CASC3: variants seen among roughly 807,000 people sequenced by gnomAD.
CASC3 encodes the protein protein CASC3.
A neutral mutation model predicts 80.5 loss-of-function variants in CASC3; 30 were observed. The ratio of observed to expected loss-of-function variants is 0.37; its 90% CI spans 0.28 to 0.51. The LOEUF (loss-of-function observed/expected upper bound fraction) is 0.51. CASC3 is among the 20% of genes least tolerant of loss of function. CASC3 has a pLI of 0.94. For missense variants in CASC3, 824 were observed against 922.2 expected (o/e 0.89, Z 1.38); for synonymous variants, 312 against 333.6 (o/e 0.94, Z 0.70).
chr17:40,143,106 A>C (rs1201399873), intron 3 of CASC3, among the ~76,000 whole-genome samples: 1 of 151,670 alleles, frequency 6.6e-6, no homozygotes, highest in African/African-American at 2.4e-5. Context: ...AAAATAAATA[A>C]ATAAAAGAAA....
intron 3 of CASC3, among the ~76,000 whole-genome samples, chr17:40,144,861 G>A (rs144521793): frequency 0.07 from 9,307 of 132,450 alleles, 646 homozygotes; most frequent in African/African-American, 0.18. Context: ...AAAAAATTAA[G>A]TTTTTTTTTT....
intron 3 of CASC3, among the ~76,000 whole-genome samples, chr17:40,145,709 A>C (rs1430758337): frequency 6.6e-6 from 1 of 151,870 alleles, no homozygotes; most frequent in African/African-American, 2.4e-5. Context: ...CAACAGAGCA[A>C]GACCCTGTGT....
intron 5 of CASC3, 116 bp from the exon 6 acceptor site, chr17:40,162,609 G>A (rs1989330704): frequency 3.4e-6 from 3 of 892,004 alleles, no homozygotes; most frequent in Non-Finnish European, 5.1e-6. Flanking sequence ...TTGGGATGAT[G>A]AGGAGACTAC....
chr17:40,140,966 G>T, intron 1 of CASC3, 187 bp downstream of exon 1: 1 of 637,260 alleles, frequency 1.6e-6, no homozygotes, highest in Non-Finnish European at 2.7e-6. Context: ...AGAAGGATTG[G>T]GGGTTTCTGG....
chr17:40,168,320 C>T lies in CASC3; in HGVS notation c.1868C>T (p.Ser623Phe). Residue 623 changes from serine to phenylalanine, a missense_variant, in exon 11 of 14, where the codon TCT becomes TTT. Physicochemically the swap from Ser to Phe is radical, Grantham distance 155 (BLOSUM62 -2). Coordinates refer to ENST00000264645, the MANE Select transcript of CASC3 (RefSeq NM_007359.5). ...PQQLLAPTYF[S>F]APGVMNFGNP... Reference sequence around the variant, plus strand: ...CAGTTGCTTGCTCCTACTTACTTTTCTGCTCCAGGCGTCATGAACTTTGGT... The same window carrying T: ...CAGTTGCTTGCTCCTACTTACTTTTTTGCTCCAGGCGTCATGAACTTTGGT... The T allele has an allele frequency of 6.2e-7, 1 of 1,614,176 alleles. No individual in the cohort carries two copies. The highest frequency in any genetic ancestry group is 8.5e-7 in the Non-Finnish European group (1 of 1,180,036).
intron 3 of CASC3, among the ~76,000 whole-genome samples, chr17:40,153,741 A>C (rs533085867): frequency 6.6e-6 from 1 of 151,994 alleles, no homozygotes; most frequent in South Asian, 2.1e-4. Flanking sequence ...TGGGCCCAGG[A>C]GTTCGAGACC....
rs1019433204 is a variant in CASC3, at chr17:40,142,896, G to A, written c.297+1289G>A. Among the ~76,000 whole-genome samples, 17 of 150,146 alleles carry A rather than the reference G, an allele frequency of 1.1e-4. No homozygotes were observed. In the South Asian group the frequency reaches 2.3e-3, roughly 21 times the overall value. On this transcript the variant is annotated intron_variant, in intron 3 of 13. Transcript: ENST00000264645. ...AGCCTGGGTGACAGAGCAAGACTCC[G>A]TCTCAAAAAAAAAAACCCATCTCTA... is the stretch of plus-strand genomic sequence containing the variant.
At chr17:40,155,349 T>G (rs1989120008) in intron 3 of CASC3, among the ~76,000 whole-genome samples, 1 of 149,938 alleles carries the variant, frequency 6.7e-6, no homozygotes, top group Non-Finnish European at 1.5e-5. Context: ...CTCTGTCTCC[T>G]GGGTTCAGGC....
intron 7 of CASC3, among the ~76,000 whole-genome samples, chr17:40,164,757 T>TTTTA (rs1989403867): frequency 7.4e-6 from 1 of 134,390 alleles, no homozygotes; most frequent in African/African-American, 3.0e-5. Flanking sequence ...GGCCTTTTTT[T>TTTTA]TTTTTTTTTT....
rs547544784 is a variant in CASC3, at chr17:40,162,015, C to T, written c.470C>T (p.Pro157Leu). The T allele has an allele frequency of 1.9e-6, 3 of 1,613,888 alleles. No homozygotes were observed. The African/African-American group carries it at 4.0e-5, about 22-fold the overall frequency. ...TCTGTCCTCTAGGAGAGCACAGAGCCTGTGGAGAACAAAGTGGGTAAAAAG... is the reference window on the plus strand; with the variant it reads ...TCTGTCCTCTAGGAGAGCACAGAGCTTGTGGAGAACAAAGTGGGTAAAAAG... ...QSGDGQESTE[P>L]VENKVGKKGP... The change falls in exon 5 of 14, where the codon CCT becomes CTT. Residue 157 changes from proline to leucine, a missense_variant. By Grantham distance (98) the Pro-to-Leu change is moderately conservative. Around this residue, in one of 3 missense-constraint regions of CASC3, gnomAD observed 201 missense variants for 294.1 expected, o/e 0.68. Coordinates refer to ENST00000264645, the MANE Select transcript of CASC3 (RefSeq NM_007359.5).
At chr17:40,167,126 T>G (rs1989469492) in intron 8 of CASC3, 1 of 504,406 alleles carries the variant, frequency 2.0e-6, no homozygotes, top group African/African-American at 2.0e-5. Flanking sequence ...CATGCCCAGC[T>G]AATTTTTGTA....
At chr17:40,154,304 GCCT>G (rs1162145585) in intron 3 of CASC3, among the ~76,000 whole-genome samples, 3 of 151,988 alleles carry the variant, frequency 2.0e-5, no homozygotes, top group Non-Finnish European at 4.4e-5. Context: ...TCCCACCTCA[GCCT>G]CCTCAGTAGT....
At position 40,162,756 on chromosome 17, in the gene CASC3, G is replaced by C. The variant is rs770663606; in HGVS notation, c.640G>C (p.Asp214His). The C allele has an allele frequency of 6.2e-7, 1 of 1,614,030 alleles. No homozygotes were observed. Reference sequence around the variant, plus strand: ...GGGGCGTCAGCGAAAGCTATGGAAGGATGAGGGTCGCTGGGAGCATGACAA... The same window carrying C: ...GGGGCGTCAGCGAAAGCTATGGAAGCATGAGGGTCGCTGGGAGCATGACAA... ...PKGRQRKLWK[D>H]EGRWEHDKFR... The change falls in exon 6 of 14, where the codon GAT (aspartate) becomes CAT (histidine). Residue 214 changes from aspartate to histidine, a missense_variant. This residue lies in a region of CASC3 where 201 missense variants were observed against 294.1 expected (regional missense o/e 0.68). Coordinates refer to ENST00000264645, the MANE Select transcript of CASC3 (RefSeq NM_007359.5).
intron 11 of CASC3, 38 bp from the exon 12 acceptor site, chr17:40,169,286 T>C: frequency 1.3e-6 from 2 of 1,496,284 alleles, no homozygotes; most frequent in Non-Finnish European, 1.8e-6. Flanking sequence ...GATGAATTCA[T>C]TCCTAACTTT....
intron 7 of CASC3, among the ~76,000 whole-genome samples, chr17:40,165,220 G>A (rs1283751814): frequency 1.3e-5 from 2 of 150,896 alleles, no homozygotes; most frequent in Non-Finnish European, 3.0e-5. Context: ...ACCGTGCCTG[G>A]CCCACACCTA....
chr17:40,171,178 C>T lies in CASC3; in HGVS notation c.*773C>T. 1 of 985,988 alleles carries T rather than the reference C, an allele frequency of 1.0e-6. No homozygotes were observed. Among genetic ancestry groups the T allele is most frequent in the African/African-American group, 1.7e-5 (1 of 57,342 alleles). The allele number at this position is 985,988 out of a possible 1,614,324, so 61.1% of individuals were successfully genotyped here. Reference sequence around the variant, plus strand: ...GGTTTTTAGGAGTCTGAGCATCCATCAATACCTGTACTATGATGGGCTTCT... The same window carrying T: ...GGTTTTTAGGAGTCTGAGCATCCATTAATACCTGTACTATGATGGGCTTCT... On this transcript the variant is annotated 3_prime_UTR_variant, in exon 14 of 14. Transcript: ENST00000264645.
chr17:40,164,444 A>G (rs1387981701), intron 7 of CASC3, among the ~76,000 whole-genome samples: 1 of 141,954 alleles, frequency 7.0e-6, no homozygotes, highest in Non-Finnish European at 1.5e-5. Flanking sequence ...TTTTTTTTGT[A>G]TTTTTATTTA....
At chr17:40,169,111 TG>T in intron 11 of CASC3, 1 of 488,840 alleles carries the variant, frequency 2.0e-6, no homozygotes. Flanking sequence ...TAGAGAAAGC[TG>T]GGCAGTACTT....
chr17:40,144,889 A>G (rs1481012477), intron 3 of CASC3, among the ~76,000 whole-genome samples: 7 of 143,842 alleles, frequency 4.9e-5, no homozygotes, highest in Non-Finnish European at 1.1e-4. Context: ...GAGATGGAGT[A>G]TTGCTCTGTT....
Sources: gnomAD v4.1 joint callset for allele counts (sites outside exome capture counted in the v4.1 genomes callset) on GRCh38, gnomAD v4.1.1 for gene constraint, gnomAD v4.1.1 regional missense constraint, MANE v1.5 for transcripts, NCBI Gene and HGNC (gene_info 2026-07-23, HGNC 2026-07-21) for gene names.